Variants in APBA1 observed in about 807,000 individuals in gnomAD.
APBA1 encodes amyloid beta precursor protein binding family A member 1, also known as amyloid-beta A4 precursor protein-binding family A member 1.
A neutral mutation model predicts 86.6 loss-of-function variants in APBA1; 55 were observed. The ratio of observed to expected loss-of-function variants is 0.64; its 90% CI spans 0.51 to 0.80. The LOEUF (loss-of-function observed/expected upper bound fraction) is 0.80, where lower values mean the gene tolerates loss of function less well. APBA1 is among the 30% of genes least tolerant of loss of function. The pLI is 0.00. For missense variants in APBA1, 1,090 were observed against 1,183.0 expected (o/e 0.92, Z 1.15); for synonymous variants, 511 against 493.9 (o/e 1.03, Z -0.46).
At chr9:69,534,472 T>C (rs966139029) in intron 1 of APBA1, among the ~76,000 whole-genome samples, 20 of 152,282 alleles carry the variant, frequency 1.3e-4, no homozygotes, top group African/African-American at 4.3e-4. Context: ...CCAAAAGATA[T>C]CAGAATCTCC....
intron 5 of APBA1, chr9:69,462,124 A>G (rs1234683204): frequency 6.6e-6 from 1 of 152,234 alleles, no homozygotes; most frequent in African/African-American, 2.4e-5. Context: ...CCTATACACC[A>G]TTTGTAATCT....
intron 5 of APBA1, chr9:69,463,201 T>G (rs1835219133): frequency 6.6e-6 from 1 of 152,214 alleles, no homozygotes; most frequent in Admixed American, 6.5e-5. Flanking sequence ...AGCCCTCAGC[T>G]TACCTTGTAT....
intron 10 of APBA1, among the ~76,000 whole-genome samples, chr9:69,441,777 T>C (rs990870413): frequency 6.6e-6 from 1 of 152,188 alleles, no homozygotes; most frequent in Middle Eastern, 3.2e-3. Flanking sequence ...GAAATACGAC[T>C]TGCAGACTGT....
At chr9:69,573,109 G>C (rs1837142358) in intron 1 of APBA1, among the ~76,000 whole-genome samples, 2 of 151,934 alleles carry the variant, frequency 1.3e-5, no homozygotes, top group African/African-American at 4.8e-5. Flanking sequence ...GCAATGAGCT[G>C]AGATCGCACC....
intron 1 of APBA1, among the ~76,000 whole-genome samples, chr9:69,544,852 C>A (rs925471902): frequency 6.6e-6 from 1 of 152,138 alleles, no homozygotes; most frequent in Non-Finnish European, 1.5e-5. Flanking sequence ...TCTCCACCCA[C>A]CCCCCTGCAC....
chr9:69,521,309 A>G (rs1284545205), intron 1 of APBA1, among the ~76,000 whole-genome samples: 1 of 152,150 alleles, frequency 6.6e-6, no homozygotes, highest in African/African-American at 2.4e-5. Context: ...CCTGCATTCT[A>G]ACAGCCAAAG....
At position 69,429,041 on chromosome 9, in the gene APBA1, C is replaced by T. The variant is rs752717622; in HGVS notation, c.*2286G>A. 6 of 152,160 alleles carry T rather than the reference C, an allele frequency of 3.9e-5. No individual in the cohort carries two copies. Among genetic ancestry groups the T allele is most frequent in the Non-Finnish European group, 7.4e-5 (5 of 68,018 alleles). The allele number at this position is 152,160 out of a possible 1,614,324, so 9.4% of individuals were successfully genotyped here. On this transcript the variant is annotated 3_prime_UTR_variant, in exon 13 of 13. Transcript: ENST00000265381. ...TCTCCTTTAGGTGAACATACATAACCGTTATGTGCAGGTTGTACAGGGATG... is the reference window on the plus strand; with the variant it reads ...TCTCCTTTAGGTGAACATACATAACTGTTATGTGCAGGTTGTACAGGGATG...
In APBA1 at chr9:69,516,496, C is replaced by T. The variant is rs1242573569; in HGVS notation, c.715G>A (p.Asp239Asn). The stretch of plus-strand genomic sequence containing the variant: ...TCGGACTCGCCGTCGGAGCGCTCGT[C>T]GTAATGGTGCAGCCGCGCGCCCAGG... ...EALGARLHHY[D>N]ERSDGESDSP... The change falls in exon 2 of 13, where the codon GAC becomes AAC. Residue 239 changes from aspartate to asparagine, a missense_variant. By Grantham distance (23) the Asp-to-Asn change is conservative. Transcript: ENST00000265381. The surrounding 1 kb of genome is among the most constrained non-coding windows in gnomAD (Gnocchi z 7.3). The T allele has an allele frequency of 3.1e-6, 5 of 1,598,632 alleles. No homozygotes were observed. The highest frequency in any genetic ancestry group is 2.2e-5 in the South Asian group (2 of 90,716).
rs1332371240 is a variant in APBA1 at position 69,658,218 on chromosome 9, T to TTCTC, written c.-70+13931_-70+13934dup. Among the ~76,000 whole-genome samples the TTCTC allele has an allele frequency of 7.6e-3, 1,136 of 149,374 alleles. 30 individuals are homozygous for TTCTC. The highest frequency in any genetic ancestry group is 0.026 in the African/African-American group (1,036 of 39,682). ...GACAATGTTGTCCTACTCAAGTCCT[T>TTCTC]TCTCTCTTTCTTTCTTTCTTTCTTT... is the stretch of plus-strand genomic sequence containing the variant. On this transcript the variant is annotated intron_variant, in intron 1 of 12. Coordinates refer to ENST00000265381, the MANE Select transcript of APBA1 (RefSeq NM_001163.4).
chr9:69,573,739 C>T (rs375143556), intron 1 of APBA1, among the ~76,000 whole-genome samples: 5 of 152,314 alleles, frequency 3.3e-5, no homozygotes, highest in African/African-American at 1.2e-4. Context: ...GCGCCTGGGT[C>T]CCTGGTGATG....
intron 1 of APBA1, among the ~76,000 whole-genome samples, chr9:69,629,810 A>C (rs1823003899): frequency 6.6e-6 from 1 of 152,180 alleles, no homozygotes; most frequent in African/African-American, 2.4e-5. Flanking sequence ...GGGGACAAAT[A>C]ATTAATAAGC....
intron 1 of APBA1, among the ~76,000 whole-genome samples, chr9:69,640,305 T>C (rs1194196111): frequency 6.6e-6 from 1 of 152,070 alleles, no homozygotes; most frequent in Non-Finnish European, 1.5e-5. Flanking sequence ...TATAAAATAG[T>C]GTGAGCCCTC....
intron 11 of APBA1, among the ~76,000 whole-genome samples, chr9:69,435,293 C>T (rs1399947818): frequency 6.6e-6 from 1 of 152,102 alleles, no homozygotes; most frequent in Non-Finnish European, 1.5e-5. Flanking sequence ...GATTTATAGT[C>T]CTTTGGGTGT....
chr9:69,567,563 TCCCTCCC>T (rs1283057449), intron 1 of APBA1, among the ~76,000 whole-genome samples: 2 of 151,964 alleles, frequency 1.3e-5, no homozygotes, highest in Admixed American at 1.3e-4. Context: ...CCTAATGCAA[TCCCTCCC>T]CCCTCCACAA....
rs35255395 is a variant in APBA1, at chr9:69,433,808, C to CTT, written c.2302-1134_2302-1133dup. On this transcript the variant is annotated intron_variant, in intron 11 of 12. Transcript: ENST00000265381. ...GGAATGATATTTTAATTACCTAGGA[C>CTT]TTTTTTTTTTTTTTTTTTTTTAAGA... Among the ~76,000 whole-genome samples the CTT allele has an allele frequency of 3.4e-3, 437 of 128,418 alleles. 5 individuals carry two copies. Among genetic ancestry groups the CTT allele is most frequent in the African/African-American group, 0.012 (398 of 34,232 alleles). 84.2% of individuals were successfully genotyped at this position (128,418 alleles called of 152,430 possible). A position where few individuals can be genotyped will look rare whatever the true frequency, so the allele number is the denominator to read the frequency against.
chr9:69,457,676 C>T (rs1835121313), intron 6 of APBA1, among the ~76,000 whole-genome samples: 1 of 152,170 alleles, frequency 6.6e-6, no homozygotes, highest in Non-Finnish European at 1.5e-5. Context: ...GCCCCAATGC[C>T]TCAACGTCCC....
chr9:69,624,242 C>G (rs553702599), intron 1 of APBA1, among the ~76,000 whole-genome samples: 127 of 152,280 alleles, frequency 8.3e-4, no homozygotes, highest in African/African-American at 2.9e-3. Flanking sequence ...ATAAGACCAA[C>G]ATAAGGATGG....
At chr9:69,622,025 C>G (rs1822829102) in intron 1 of APBA1, among the ~76,000 whole-genome samples, 1 of 152,170 alleles carries the variant, frequency 6.6e-6, no homozygotes, top group South Asian at 2.1e-4. Flanking sequence ...TAGTGGCCAC[C>G]AAACCTGAGG....
chr9:69,515,367 G>T (rs1292897982), intron 2 of APBA1, among the ~76,000 whole-genome samples: 1 of 152,126 alleles, frequency 6.6e-6, no homozygotes, highest in African/African-American at 2.4e-5. Context: ...CTGGTCTCAG[G>T]TGGAAACATT....
Sources: gnomAD v4.1 joint callset for allele counts (sites outside exome capture counted in the v4.1 genomes callset) on GRCh38, gnomAD v4.1.1 for gene constraint, Gnocchi (gnomAD v3.1) non-coding constraint, MANE v1.5 for transcripts, NCBI Gene and HGNC (gene_info 2026-07-23, HGNC 2026-07-21) for gene names.